Variants in TAFA1 observed in about 807,000 individuals in gnomAD.
The protein encoded by TAFA1 is chemokine-like protein TAFA-1.
TAFA1 carries 4 observed loss-of-function variants against 18.5 expected under a neutral mutation model. The observed-to-expected ratio is 0.22, with a 90% CI of 0.11 to 0.49. TAFA1 has a LOEUF of 0.49. TAFA1 is among the 20% of genes least tolerant of loss of function. The probability of loss-of-function intolerance (pLI) is 0.98; values close to 1 mark genes in which losing one functional copy is unlikely to be tolerated. For missense variants in TAFA1, 147 were observed against 169.0 expected (o/e 0.87, Z 0.72); for synonymous variants, 56 against 55.2 (o/e 1.01, Z -0.06).
At chr3:68,060,051 A>G (rs983717160) in intron 2 of TAFA1, among the ~76,000 whole-genome samples, 1 of 151,824 alleles carries the variant, frequency 6.6e-6, no homozygotes, top group African/African-American at 2.4e-5. Context: ...CTCCATGTAT[A>G]ATCAAGGCTT....
Position 68,383,778 on chromosome 3 carries a change from G to A in TAFA1, c.119-33502G>A, listed in dbSNP as rs114167810. ...GTATCAGCTCTTCTTTTTATATCTG[G>A]TAGTATTCAGCTGTGAAACCTTCTG... On this transcript the variant is annotated intron_variant, in intron 2 of 4. Transcript: ENST00000478136. 6.5e-3 allele frequency among the ~76,000 whole-genome samples: 990 copies of A among 152,156 alleles called. 13 individuals carry two copies. The highest frequency in any genetic ancestry group is 0.023 in the African/African-American group (948 of 41,510).
At chr3:68,480,102 C>G (rs998624832) in intron 3 of TAFA1, among the ~76,000 whole-genome samples, 1 of 151,902 alleles carries the variant, frequency 6.6e-6, no homozygotes, top group Non-Finnish European at 1.5e-5. Context: ...AATATAAATT[C>G]TTGGGGTTGG....
intron 2 of TAFA1, among the ~76,000 whole-genome samples, chr3:68,156,489 TCA>T (rs2065868274): frequency 6.6e-6 from 1 of 152,190 alleles, no homozygotes; most frequent in African/African-American, 2.4e-5. Context: ...TTGCTAGGCC[TCA>T]GTTTCCTCAT....
At chr3:68,141,826 T>C (rs1014171601) in intron 2 of TAFA1, among the ~76,000 whole-genome samples, 8 of 152,214 alleles carry the variant, frequency 5.3e-5, no homozygotes, top group Non-Finnish European at 1.2e-4. Context: ...GCGCTTCTCA[T>C]CTCTGATAAG....
At chr3:68,512,229 A>T (rs1416409113) in intron 3 of TAFA1, among the ~76,000 whole-genome samples, 3 of 152,136 alleles carry the variant, frequency 2.0e-5, no homozygotes, top group Non-Finnish European at 4.4e-5. Flanking sequence ...TGTGTCTTTC[A>T]TCATTTAGTG....
chr3:68,443,473 CAAAAAAA>C (rs56944130), intron 3 of TAFA1, among the ~76,000 whole-genome samples: 12 of 96,102 alleles, frequency 1.2e-4, no homozygotes, highest in East Asian at 2.4e-4. Context: ...GGGCAATTTA[CAAAAAAA>C]AAAAAAAAAA....
At chr3:68,454,247 C>T (rs1224061174) in intron 3 of TAFA1, among the ~76,000 whole-genome samples, 1 of 152,056 alleles carries the variant, frequency 6.6e-6, no homozygotes, top group East Asian at 1.9e-4. Flanking sequence ...ATATTCTTCC[C>T]TGTCTTTGAA....
chr3:68,120,952 A>G (rs2065391492), intron 2 of TAFA1, among the ~76,000 whole-genome samples: 2 of 152,158 alleles, frequency 1.3e-5, no homozygotes, highest in Admixed American at 1.3e-4. Context: ...CTAATTAAAG[A>G]CCATTTAAGA....
intron 2 of TAFA1, among the ~76,000 whole-genome samples, chr3:68,410,235 A>T (rs986682064): frequency 6.6e-5 from 10 of 152,150 alleles, no homozygotes; most frequent in Admixed American, 1.3e-4. Context: ...GCAGTTGGGA[A>T]ACTAGAGAGA....
At chr3:68,384,817 T>C (rs1219370075) in intron 2 of TAFA1, among the ~76,000 whole-genome samples, 2 of 149,098 alleles carry the variant, frequency 1.3e-5, no homozygotes, top group Non-Finnish European at 3.0e-5. Flanking sequence ...TTCTAAGGTG[T>C]TCAAGAACTT....
chr3:68,065,401 G>A (rs541652985), intron 2 of TAFA1, among the ~76,000 whole-genome samples: 44 of 152,198 alleles, frequency 2.9e-4, no homozygotes, highest in Admixed American at 2.4e-3. Flanking sequence ...TTGCTGTGAC[G>A]GGCAATGTAT....
At chr3:68,397,272 G>A (rs1156827960) in intron 2 of TAFA1, among the ~76,000 whole-genome samples, 9 of 151,700 alleles carry the variant, frequency 5.9e-5, no homozygotes, top group Non-Finnish European at 1.0e-4. Context: ...TTTAAGTCCC[G>A]CATGCGTTAG....
chr3:68,109,644 T>C (rs2106833680), intron 2 of TAFA1, among the ~76,000 whole-genome samples: 1 of 152,310 alleles, frequency 6.6e-6, no homozygotes, highest in Non-Finnish European at 1.5e-5. Context: ...AGGCTGCTCC[T>C]CTTGATTTAT....
intron 2 of TAFA1, among the ~76,000 whole-genome samples, chr3:68,314,434 C>A (rs543281247): frequency 1.3e-5 from 2 of 152,278 alleles, no homozygotes; most frequent in South Asian, 2.1e-4. Flanking sequence ...TTCCTCAGTT[C>A]CCTACACACA....
chr3:68,378,552 G>A (rs1210875992), intron 2 of TAFA1, among the ~76,000 whole-genome samples: 3 of 152,108 alleles, frequency 2.0e-5, no homozygotes, highest in East Asian at 1.9e-4. Flanking sequence ...GTGGATCTTC[G>A]AATTAATGCA....
chr3:68,381,488 C>A (rs891170915), intron 2 of TAFA1, among the ~76,000 whole-genome samples: 5 of 152,088 alleles, frequency 3.3e-5, no homozygotes, highest in African/African-American at 9.7e-5. Flanking sequence ...TCCTTCACAT[C>A]CCTTGTAAGT....
chr3:68,217,839 C>A (rs962169247), intron 2 of TAFA1, among the ~76,000 whole-genome samples: 2 of 151,992 alleles, frequency 1.3e-5, no homozygotes, highest in Non-Finnish European at 2.9e-5. Flanking sequence ...CACTTACTAT[C>A]TCATTTAGCT....
intron 2 of TAFA1, among the ~76,000 whole-genome samples, chr3:68,383,022 G>C (rs977522532): frequency 1.3e-5 from 2 of 152,118 alleles, no homozygotes; most frequent in Non-Finnish European, 2.9e-5. Flanking sequence ...TTGATGTATA[G>C]GAATGCTAGT....
chr3:68,383,088 T>A (rs1434408681), intron 2 of TAFA1, among the ~76,000 whole-genome samples: 1 of 152,154 alleles, frequency 6.6e-6, no homozygotes, highest in Non-Finnish European at 1.5e-5. Flanking sequence ...TTTATTAGCT[T>A]AAGGAGCCTT....
Sources: allele counts gnomAD v4.1 joint callset (sites outside exome capture counted in the v4.1 genomes callset), GRCh38; gene constraint gnomAD v4.1.1; transcripts MANE v1.5; gene names NCBI Gene and HGNC (gene_info 2026-07-23, HGNC 2026-07-21).